SEMA3A: variants seen among roughly 807,000 people sequenced by gnomAD.
SEMA3A encodes the protein semaphorin-3A.
Under a neutral mutation model 97.9 loss-of-function variants are expected in SEMA3A, and 29 were observed. That is an observed-to-expected ratio of 0.30 (90% CI 0.22 to 0.40). The LOEUF (loss-of-function observed/expected upper bound fraction) is 0.40. Among genes scored for constraint, SEMA3A ranks in the 10% least tolerant of loss-of-function variants. The pLI is 1.00. For synonymous variants in SEMA3A, 321 were observed against 323.7 expected (o/e 0.99, Z 0.09); for missense variants, 763 against 951.3 (o/e 0.80, Z 2.60).
At chr7:84,085,166 A>G (rs1307337134) in intron 4 of SEMA3A, among the ~76,000 whole-genome samples, 1 of 152,112 alleles carries the variant, frequency 6.6e-6, no homozygotes, top group African/African-American at 2.4e-5. Flanking sequence ...GGATTTCTCA[A>G]GGAATGTTAA....
chr7:84,143,903 A>T (rs1554335044), intron 1 of SEMA3A, among the ~76,000 whole-genome samples: 1 of 149,966 alleles, frequency 6.7e-6, no homozygotes, highest in Non-Finnish European at 1.5e-5. Flanking sequence ...GGGCAAGCCA[A>T]GCTAGGTACT....
chr7:84,414,605 T>C (rs1253956744), intron 1 of SEMA3A, among the ~76,000 whole-genome samples: 1 of 152,080 alleles, frequency 6.6e-6, no homozygotes, highest in East Asian at 1.9e-4. Context: ...TCACGTGTAG[T>C]ATTCTTGTCA....
At chr7:84,013,443 TTGTG>T (rs750059502) in intron 7 of SEMA3A, among the ~76,000 whole-genome samples, 2 of 151,844 alleles carry the variant, frequency 1.3e-5, no homozygotes, top group African/African-American at 4.8e-5. Flanking sequence ...GTGTGGGTGT[TTGTG>T]TGTGTGTGTA....
At chr7:84,206,836 GT>G (rs140211775) in intron 3 of SEMA3A, among the ~76,000 whole-genome samples, 8,963 of 105,284 alleles carry the variant, frequency 0.085, 469 homozygotes, top group East Asian at 0.32. Context: ...ACAGGATATG[GT>G]AAAAAAAAAA....
At chr7:84,428,355 A>C (rs969653143) in intron 1 of SEMA3A, among the ~76,000 whole-genome samples, 1 of 152,106 alleles carries the variant, frequency 6.6e-6, no homozygotes, top group Non-Finnish European at 1.5e-5. Context: ...CCTTAAAGAT[A>C]GTAAAAAACA....
intron 1 of SEMA3A, among the ~76,000 whole-genome samples, chr7:84,472,234 T>C (rs1386266519): frequency 2.0e-5 from 3 of 152,086 alleles, no homozygotes; most frequent in Non-Finnish European, 2.9e-5. Flanking sequence ...AGTCAAGAGA[T>C]ACAATGACAA....
intron 4 of SEMA3A, among the ~76,000 whole-genome samples, chr7:84,089,026 T>C (rs2040877): frequency 0.41 from 62,465 of 151,356 alleles, 14,740 homozygotes; most frequent in Non-Finnish European, 0.52. Flanking sequence ...AAAAAAGGCA[T>C]TGAAGTAATA....
Position 84,015,575 on chromosome 7 carries a change from T to C in SEMA3A, c.668-1224A>G, listed in dbSNP as rs141170226. 1.5e-3 allele frequency among the ~76,000 whole-genome samples: 222 copies of C among 152,284 alleles called. 2 individuals carry two copies. The East Asian group carries it at 0.016, about 11-fold the overall frequency. On this transcript the variant is annotated intron_variant, in intron 6 of 16. Transcript: ENST00000265362. Reference sequence around the variant, plus strand: ...GCAGACATTTATATTCTTACAATAATCTACCTTTATCCCTTAGTGTATTAT... The same window carrying C: ...GCAGACATTTATATTCTTACAATAACCTACCTTTATCCCTTAGTGTATTAT...
chr7:84,314,930 G>T (rs1801455129), intron 2 of SEMA3A, among the ~76,000 whole-genome samples: 1 of 152,102 alleles, frequency 6.6e-6, no homozygotes. Context: ...AAAGTAATTT[G>T]ATTTGTTTTA....
rs886877538 is a variant in SEMA3A at position 84,058,813 on chromosome 7, C to T, written c.547+1652G>A. Among the ~76,000 whole-genome samples the T allele has an allele frequency of 4.6e-5, 7 of 152,216 alleles. No individual in the cohort carries two copies. In the South Asian group the frequency reaches 1.0e-3, roughly 23 times the overall value. ...CACTGAACTTTGCTCATTCTCTCTG[C>T]CTTTTCATAAACCTATATAGCTTTT... is the stretch of plus-strand genomic sequence containing the variant. On this transcript the variant is annotated intron_variant, in intron 5 of 16. Transcript: ENST00000265362.
chr7:84,295,819 A>G (rs774154503), intron 3 of SEMA3A, among the ~76,000 whole-genome samples: 5 of 152,096 alleles, frequency 3.3e-5, no homozygotes, highest in Non-Finnish European at 7.4e-5. Context: ...TTCCGAAAAT[A>G]AATAAACCAA....
intron 13 of SEMA3A, among the ~76,000 whole-genome samples, chr7:83,984,502 AC>A (rs924974875): frequency 3.7e-4 from 56 of 152,156 alleles, no homozygotes; most frequent in African/African-American, 1.2e-3. Flanking sequence ...AAACATGTAA[AC>A]AGTTCAGAAA....
chr7:84,458,388 T>C (rs1805739488), intron 1 of SEMA3A, among the ~76,000 whole-genome samples: 1 of 152,058 alleles, frequency 6.6e-6, no homozygotes. Context: ...AACATATTAT[T>C]GCCATATTAA....
At position 84,240,234 on chromosome 7, in the gene SEMA3A, A is replaced by T. The variant is rs544701926; in HGVS notation, c.-82-45566T>A. Among the ~76,000 whole-genome samples, 11 of 152,296 alleles carry T rather than the reference A, an allele frequency of 7.2e-5. 1 individual carries two copies. The highest frequency in any genetic ancestry group is 1.9e-4 in the East Asian group (1 of 5,186). On this transcript the variant is annotated intron_variant, in intron 3 of 3. Transcript: ENST00000424555. ...ATTTAACTTGTTATGCATAATTTTT[A>T]AAAAAAGATTTTAGTAGGTTGAATA...
intron 2 of SEMA3A, among the ~76,000 whole-genome samples, chr7:84,317,517 T>C (rs1305757385): frequency 6.6e-6 from 1 of 152,204 alleles, no homozygotes; most frequent in Non-Finnish European, 1.5e-5. Flanking sequence ...TTTTAACTTA[T>C]ATTTTTACAA....
intron 3 of SEMA3A, among the ~76,000 whole-genome samples, chr7:84,214,667 C>G (rs910137351): frequency 6.6e-5 from 10 of 151,446 alleles, no homozygotes; most frequent in African/African-American, 2.4e-4. Context: ...CTAATTGCTA[C>G]AGCTCTTTCC....
rs146452081 is a variant in SEMA3A, at chr7:84,038,784, A to G, written c.667+7540T>C. 2.8e-3 allele frequency among the ~76,000 whole-genome samples: 433 copies of G among 152,270 alleles called. 3 individuals are homozygous for G. The highest frequency in any genetic ancestry group is 9.6e-3 in the African/African-American group (398 of 41,564). On this transcript the variant is annotated intron_variant, in intron 6 of 16. Transcript: ENST00000265362. The stretch of plus-strand genomic sequence containing the variant: ...TATTTAAGTTTATTAAGTTATAAGT[A>G]TTGTACTTACTAGAGATAAATTAAC...
At chr7:83,999,924 A>ATCTT (rs1287492666) in intron 12 of SEMA3A, among the ~76,000 whole-genome samples, 3 of 151,938 alleles carry the variant, frequency 2.0e-5, no homozygotes, top group Non-Finnish European at 4.4e-5. Context: ...TTCCTAGTTT[A>ATCTT]TCTTTCTCAT....
At chr7:84,060,190 C>T (rs552059623) in intron 5 of SEMA3A, among the ~76,000 whole-genome samples, 2 of 152,296 alleles carry the variant, frequency 1.3e-5, no homozygotes, top group East Asian at 3.9e-4. Context: ...CAATGGGTCT[C>T]TGCCAACTGT....
Sources: gnomAD v4.1 joint callset for allele counts (sites outside exome capture counted in the v4.1 genomes callset) on GRCh38, gnomAD v4.1.1 for gene constraint, MANE v1.5 for transcripts, NCBI Gene and HGNC (gene_info 2026-07-23, HGNC 2026-07-21) for gene names.